The following CCDC102B variants were observed in gnomAD, a reference collection of about 807,000 sequenced individuals.
CCDC102B encodes the protein coiled-coil domain containing 102B, also known as coiled-coil domain-containing protein 102B.
A neutral mutation model predicts 57.4 loss-of-function variants in CCDC102B; 75 were observed. The observed-to-expected ratio is 1.31, with a 90% CI of 1.08 to 1.58. CCDC102B has a LOEUF of 1.58. Among genes scored for constraint, CCDC102B ranks in the 40% most tolerant of loss-of-function variants. The pLI is 0.00. For synonymous variants in CCDC102B, 206 were observed against 201.9 expected, an observed-to-expected ratio of 1.02 and a Z score of -0.17; for missense variants, 636 against 582.6, an observed-to-expected ratio of 1.09 and a Z score of -0.94.
rs535493889 is a variant in CCDC102B at position 68,884,774 on chromosome 18, C to T, written c.1053+9989C>T. Among the ~76,000 whole-genome samples, 181 of 149,336 alleles carry T rather than the reference C, an allele frequency of 1.2e-3. 1 individual carries two copies. Among genetic ancestry groups the T allele is most frequent in the Non-Finnish European group, 1.6e-3 (105 of 67,450 alleles). On this transcript the variant is annotated intron_variant, in intron 5 of 7. Coordinates refer to ENST00000360242, the MANE Select transcript of CCDC102B (RefSeq NM_024781.3). Reference sequence around the variant, plus strand: ...ATATATTTATATATGTATAATGAATCAGTCTGGAGATCTAATGTACAAGAT... The same window carrying T: ...ATATATTTATATATGTATAATGAATTAGTCTGGAGATCTAATGTACAAGAT...
chr18:68,852,411 C>T (rs1385501037), intron 4 of CCDC102B, among the ~76,000 whole-genome samples: 3 of 152,152 alleles, frequency 2.0e-5, no homozygotes, highest in Non-Finnish European at 2.9e-5. Flanking sequence ...GTTCAAGTCC[C>T]TTACATAAAA....
At chr18:69,035,925 G>T (rs1010239378) in intron 7 of CCDC102B, among the ~76,000 whole-genome samples, 4 of 152,028 alleles carry the variant, frequency 2.6e-5, no homozygotes, top group African/African-American at 9.7e-5. Context: ...ATTCCAAGCT[G>T]GATAGATTAT....
chr18:68,774,984 T>C (rs530603488), intron 2 of CCDC102B, among the ~76,000 whole-genome samples: 153 of 151,334 alleles, frequency 1.0e-3, no homozygotes, highest in Non-Finnish European at 1.9e-3. Flanking sequence ...TATATACATA[T>C]TTGTATATGT....
At chr18:69,016,192 C>T (rs551777693) in intron 7 of CCDC102B, among the ~76,000 whole-genome samples, 87 of 152,160 alleles carry the variant, frequency 5.7e-4, no homozygotes, top group African/African-American at 1.9e-3. Context: ...TATCATAGCA[C>T]AGGTTCATGT....
chr18:68,838,206 A>G (rs1019523584), intron 2 of CCDC102B, among the ~76,000 whole-genome samples: 1 of 152,212 alleles, frequency 6.6e-6, no homozygotes, highest in African/African-American at 2.4e-5. Context: ...ATTAAATTCT[A>G]TTTAGATGTG....
intron 4 of CCDC102B, among the ~76,000 whole-genome samples, chr18:68,865,643 C>T (rs2038945552): frequency 6.6e-6 from 1 of 152,150 alleles, no homozygotes; most frequent in South Asian, 2.1e-4. Context: ...GCATACTCGT[C>T]TCTTTTTCTC....
At chr18:68,826,388 AAACAACTGC>A (rs2036903831) in intron 1 of CCDC102B, among the ~76,000 whole-genome samples, 1 of 152,216 alleles carries the variant, frequency 6.6e-6, no homozygotes, top group Admixed American at 6.5e-5. Flanking sequence ...GGGCCTCTCC[AAACAACTGC>A]TTATGACATG....
chr18:68,969,571 C>A (rs1003487657), intron 6 of CCDC102B, among the ~76,000 whole-genome samples: 2 of 150,430 alleles, frequency 1.3e-5, no homozygotes, highest in African/African-American at 4.9e-5. Flanking sequence ...ACAGTAGTTG[C>A]CCAAATAATG....
intron 1 of CCDC102B, among the ~76,000 whole-genome samples, chr18:68,828,216 A>G (rs1167375374): frequency 1.3e-5 from 2 of 151,612 alleles, no homozygotes; most frequent in African/African-American, 4.8e-5. Context: ...AATACAATCA[A>G]CAAATAGGAT....
At position 68,923,553 on chromosome 18, in the gene CCDC102B, G is replaced by A. The variant is rs369570617; in HGVS notation, c.1263+26125G>A. 2.1e-3 allele frequency among the ~76,000 whole-genome samples: 312 copies of A among 152,064 alleles called. 2 individuals carry two copies. Among genetic ancestry groups the A allele is most frequent in the African/African-American group, 7.3e-3 (302 of 41,492 alleles). ...TGACATCATAAAAAGTTAGCTGATA[G>A]GTATTTTATCACCCCCATTTTGTAG... On this transcript the variant is annotated intron_variant, in intron 6 of 7. Transcript: ENST00000360242.
intron 4 of CCDC102B, among the ~76,000 whole-genome samples, chr18:68,863,104 A>T (rs1027904839): frequency 4.6e-5 from 7 of 151,788 alleles, no homozygotes; most frequent in Admixed American, 4.6e-4. Context: ...CGATTTTAAA[A>T]TCATTTACTT....
chr18:68,851,673 A>G (rs939595640), intron 4 of CCDC102B, among the ~76,000 whole-genome samples: 19 of 152,150 alleles, frequency 1.2e-4, no homozygotes, highest in Non-Finnish European at 2.8e-4. Flanking sequence ...AGAAAAAGAG[A>G]GGTTAAGTTA....
At chr18:68,973,503 C>T (rs1242330955) in intron 6 of CCDC102B, among the ~76,000 whole-genome samples, 1 of 152,072 alleles carries the variant, frequency 6.6e-6, no homozygotes, top group Non-Finnish European at 1.5e-5. Context: ...AAATACGTAG[C>T]TTAGCAACCA....
At chr18:68,821,322 A>G (rs2036681466) in intron 1 of CCDC102B, among the ~76,000 whole-genome samples, 1 of 152,016 alleles carries the variant, frequency 6.6e-6, no homozygotes, top group African/African-American at 2.4e-5. Flanking sequence ...CTTTCTGGCA[A>G]AATACATAAT....
intron 2 of CCDC102B, among the ~76,000 whole-genome samples, chr18:68,723,041 C>T (rs1271231628): frequency 6.6e-6 from 1 of 151,846 alleles, no homozygotes; most frequent in Non-Finnish European, 1.5e-5. Flanking sequence ...AATCACAGTT[C>T]CTCATGGCTG....
chr18:68,881,392 C>T (rs1181521669), intron 5 of CCDC102B, among the ~76,000 whole-genome samples: 2 of 152,178 alleles, frequency 1.3e-5, no homozygotes, highest in Non-Finnish European at 2.9e-5. Context: ...TTAATCAACA[C>T]ATCAATTTTA....
At chr18:69,005,114 T>C (rs1001223166) in intron 6 of CCDC102B, among the ~76,000 whole-genome samples, 3 of 152,188 alleles carry the variant, frequency 2.0e-5, no homozygotes, top group Non-Finnish European at 4.4e-5. Flanking sequence ...TATAATGTGT[T>C]TAACTTGAGT....
chr18:68,738,186 C>T (rs919039832), intron 2 of CCDC102B, among the ~76,000 whole-genome samples: 2 of 152,036 alleles, frequency 1.3e-5, no homozygotes, highest in African/African-American at 4.8e-5. Context: ...ATTCCTTGGT[C>T]GTATGTCCAC....
chr18:68,734,023 T>G (rs1361028195), intron 2 of CCDC102B, among the ~76,000 whole-genome samples: 2 of 152,204 alleles, frequency 1.3e-5, no homozygotes, highest in Non-Finnish European at 2.9e-5. Flanking sequence ...TTATTTAGAA[T>G]GAAGATTTAT....
Sources: allele counts gnomAD v4.1 joint callset (sites outside exome capture counted in the v4.1 genomes callset), GRCh38; gene constraint gnomAD v4.1.1; transcripts MANE v1.5; gene names NCBI Gene and HGNC (gene_info 2026-07-23, HGNC 2026-07-21).